The following CDH13 variants were observed in gnomAD, a reference collection of about 807,000 sequenced individuals.
The protein encoded by CDH13 is cadherin-13.
In CDH13, 24 loss-of-function variants were observed where a neutral mutation model predicts 63.8. The ratio of observed to expected loss-of-function variants is 0.38; its 90% CI spans 0.27 to 0.53. CDH13 has a LOEUF of 0.53. Ranked by LOEUF, CDH13 falls within the 20% of genes least tolerant of loss-of-function variation. CDH13 has a pLI of 0.85. For missense variants in CDH13, 1,049 were observed against 903.1 expected, an observed-to-expected ratio of 1.16 and a Z score of -2.07; for synonymous variants, 503 against 355.3, an observed-to-expected ratio of 1.42 and a Z score of -4.67.
chr16:83,776,845 C>T (rs1279139970), intron 11 of CDH13, among the ~76,000 whole-genome samples: 1 of 152,194 alleles, frequency 6.6e-6, no homozygotes, highest in African/African-American at 2.4e-5. Flanking sequence ...TATTCCACCC[C>T]TCTGGCATTC....
intron 6 of CDH13, among the ~76,000 whole-genome samples, chr16:83,448,204 C>G (rs1325546275): frequency 2.0e-5 from 3 of 151,858 alleles, no homozygotes. Flanking sequence ...GTCTAGCTAT[C>G]TGGAGTGGAG....
chr16:83,108,214 A>C (rs1315135354), intron 3 of CDH13, among the ~76,000 whole-genome samples: 1 of 152,100 alleles, frequency 6.6e-6, no homozygotes, highest in African/African-American at 2.4e-5. Flanking sequence ...CATCTCCACT[A>C]TACACCGTGC....
chr16:83,620,389 CAAAAAAAAAAA>C (rs60446363), intron 8 of CDH13, among the ~76,000 whole-genome samples: 1 of 97,364 alleles, frequency 1.0e-5, no homozygotes, highest in Admixed American at 1.1e-4. Context: ...GACTCCGTCT[CAAAAAAAAAAA>C]AAAAAAAAAA....
intron 3 of CDH13, among the ~76,000 whole-genome samples, chr16:83,070,320 CT>C (rs2151540669): frequency 6.6e-6 from 1 of 152,262 alleles, no homozygotes; most frequent in South Asian, 2.1e-4. Flanking sequence ...GTACGATGAC[CT>C]TTGAGGTGCC....
intron 1 of CDH13, among the ~76,000 whole-genome samples, chr16:82,741,569 C>T (rs932328571): frequency 2.0e-5 from 3 of 152,128 alleles, no homozygotes; most frequent in African/African-American, 7.2e-5. Context: ...CATTTTCTAT[C>T]GTTAGCATTC....
intron 7 of CDH13, among the ~76,000 whole-genome samples, chr16:83,591,054 G>A (rs923530601): frequency 1.3e-5 from 2 of 151,962 alleles, no homozygotes. Flanking sequence ...GGGATTACAG[G>A]CACCTGCCAC....
At chr16:83,490,521 T>C (rs1019727631) in intron 7 of CDH13, among the ~76,000 whole-genome samples, 4 of 152,178 alleles carry the variant, frequency 2.6e-5, no homozygotes, top group Admixed American at 6.5e-5. Flanking sequence ...TCATCTAATC[T>C]GCTCCTCTCC....
At chr16:83,589,058 A>G (rs536336990) in intron 7 of CDH13, among the ~76,000 whole-genome samples, 2 of 152,210 alleles carry the variant, frequency 1.3e-5, no homozygotes, top group Non-Finnish European at 2.9e-5. Flanking sequence ...AATAAGTCTC[A>G]CTGGGCCAAA....
At chr16:83,763,334 C>G (rs1914126760) in intron 11 of CDH13, among the ~76,000 whole-genome samples, 1 of 152,154 alleles carries the variant, frequency 6.6e-6, no homozygotes, top group Admixed American at 6.5e-5. Context: ...CTCCTTCAGT[C>G]CTCTGTAAGA....
intron 5 of CDH13, among the ~76,000 whole-genome samples, chr16:83,263,718 A>G (rs2151838203): frequency 6.6e-6 from 1 of 152,296 alleles, no homozygotes; most frequent in Middle Eastern, 3.4e-3. Flanking sequence ...CTCAAACCCC[A>G]TGATGAACGG....
At chr16:82,842,454 T>C (rs1938637762) in intron 1 of CDH13, among the ~76,000 whole-genome samples, 1 of 151,990 alleles carries the variant, frequency 6.6e-6, no homozygotes, top group Admixed American at 6.6e-5. Context: ...GTTTAAAATA[T>C]AAGAGTGCAC....
chr16:83,420,246 A>G (rs10514573), intron 6 of CDH13, among the ~76,000 whole-genome samples: 21,329 of 152,230 alleles, frequency 0.14, 1,970 homozygotes, highest in Non-Finnish European at 0.2. Context: ...GTAATTAAAA[A>G]TATGACTGAG....
At position 83,350,443 on chromosome 16, in the gene CDH13, C is replaced by T. The variant is rs528241964; in HGVS notation, c.781+5437C>T. Among the ~76,000 whole-genome samples the T allele has an allele frequency of 3.3e-5, 5 of 152,352 alleles. No homozygotes were observed. In the South Asian group the frequency reaches 1.0e-3, roughly 32 times the overall value. On this transcript the variant is annotated intron_variant, in intron 6 of 13. Transcript: ENST00000567109. ...TGCACATTGCTTAGGCATGTCTGATCCTTCTTCTTGAGGCTGTTGAAGACA... is the reference window on the plus strand; with the variant it reads ...TGCACATTGCTTAGGCATGTCTGATTCTTCTTCTTGAGGCTGTTGAAGACA...
intron 7 of CDH13, among the ~76,000 whole-genome samples, chr16:83,500,827 G>C (rs983249968): frequency 2.0e-5 from 3 of 151,542 alleles, no homozygotes; most frequent in African/African-American, 7.3e-5. Context: ...CGATCCACCC[G>C]CCTCGGCCTC....
intron 7 of CDH13, among the ~76,000 whole-genome samples, chr16:83,594,394 A>G (rs764649453): frequency 2.0e-5 from 3 of 152,166 alleles, no homozygotes; most frequent in Non-Finnish European, 4.4e-5. Context: ...CTCAGCTACT[A>G]AGTCATGGAG....
At chr16:82,956,055 C>G (rs1449465211) in intron 2 of CDH13, among the ~76,000 whole-genome samples, 5 of 152,154 alleles carry the variant, frequency 3.3e-5, no homozygotes, top group Non-Finnish European at 7.3e-5. Flanking sequence ...CAAAGTTAAA[C>G]TCAATCTCCC....
chr16:82,696,963 T>C (rs896240638), intron 1 of CDH13, among the ~76,000 whole-genome samples: 1 of 152,212 alleles, frequency 6.6e-6, no homozygotes, highest in Non-Finnish European at 1.5e-5. Flanking sequence ...AGGCTCTGCA[T>C]AGGACTCTTA....
At chr16:82,908,702 T>C (rs1448613538) in intron 2 of CDH13, among the ~76,000 whole-genome samples, 2 of 152,168 alleles carry the variant, frequency 1.3e-5, no homozygotes, top group African/African-American at 4.8e-5. Flanking sequence ...CACCCCTCGG[T>C]ATCTGTGGGG....
At chr16:82,659,058 G>C (rs1310835804) in intron 1 of CDH13, among the ~76,000 whole-genome samples, 1 of 152,202 alleles carries the variant, frequency 6.6e-6, no homozygotes, top group East Asian at 1.9e-4. Flanking sequence ...GAGGCCACCA[G>C]GGATGTGGGG....
Sources: gnomAD v4.1 joint callset for allele counts (sites outside exome capture counted in the v4.1 genomes callset) on GRCh38, gnomAD v4.1.1 for gene constraint, MANE v1.5 for transcripts, NCBI Gene and HGNC (gene_info 2026-07-23, HGNC 2026-07-21) for gene names.